Variants in UBA6 observed in about 807,000 individuals in gnomAD.
UBA6 encodes ubiquitin like modifier activating enzyme 6.
A neutral mutation model predicts 148.3 loss-of-function variants in UBA6; 87 were observed. The observed-to-expected ratio is 0.59, with a 90% CI of 0.49 to 0.70. The LOEUF is 0.70. Ranked by LOEUF, UBA6 falls within the 30% of genes least tolerant of loss-of-function variation. The pLI is 0.00. For synonymous variants in UBA6, 376 were observed against 401.0 expected (o/e 0.94, Z 0.75); for missense variants, 1,186 against 1,241.2 (o/e 0.96, Z 0.67).
At chr4:67,648,591 A>C (rs923445769) in intron 14 of UBA6, among the ~76,000 whole-genome samples, 11 of 152,164 alleles carry the variant, frequency 7.2e-5, no homozygotes, top group African/African-American at 2.7e-4. Context: ...TTCTGCTGGC[A>C]AAAGAAATGG....
At chr4:67,636,770 G>C (rs2109907702) in intron 19 of UBA6, among the ~76,000 whole-genome samples, 1 of 152,282 alleles carries the variant, frequency 6.6e-6, no homozygotes, top group African/African-American at 2.4e-5. Flanking sequence ...CGCCTGCCTT[G>C]GCCTCCCAAA....
chr4:67,695,474 CTT>C (rs1421556942), intron 2 of UBA6, among the ~76,000 whole-genome samples: 1 of 152,190 alleles, frequency 6.6e-6, no homozygotes, highest in African/African-American at 2.4e-5. Flanking sequence ...AATGGCTACT[CTT>C]ATCCTTAGGT....
At chr4:67,699,899 C>T (rs1730935157) in intron 1 of UBA6, among the ~76,000 whole-genome samples, 1 of 152,214 alleles carries the variant, frequency 6.6e-6, no homozygotes, top group Admixed American at 6.5e-5. Context: ...AGCCACTGCG[C>T]CCGGCCAAAG....
chr4:67,692,071 G>A (rs1730706825), intron 2 of UBA6, among the ~76,000 whole-genome samples: 1 of 152,104 alleles, frequency 6.6e-6, no homozygotes, highest in Non-Finnish European at 1.5e-5. Context: ...GGTTACTTAA[G>A]TTCTTTAGTG....
At chr4:67,659,233 G>T (rs1729778744) in intron 13 of UBA6, among the ~76,000 whole-genome samples, 1 of 152,140 alleles carries the variant, frequency 6.6e-6, no homozygotes, top group African/African-American at 2.4e-5. Flanking sequence ...TAGAACATAT[G>T]ATATTAAAGC....
At chr4:67,651,319 G>GA (rs1729549020) in intron 13 of UBA6, among the ~76,000 whole-genome samples, 1 of 152,070 alleles carries the variant, frequency 6.6e-6, no homozygotes, top group Non-Finnish European at 1.5e-5. Context: ...GAAAAGAAAA[G>GA]AAATACTTAA....
chr4:67,682,771 A>G (rs1014174375), intron 2 of UBA6, among the ~76,000 whole-genome samples: 3 of 152,228 alleles, frequency 2.0e-5, no homozygotes, highest in Non-Finnish European at 4.4e-5. Context: ...AATAAAGTCA[A>G]TTGTAAGTGT....
intron 9 of UBA6, 75 bp from the exon 10 acceptor site, chr4:67,665,367 A>G: frequency 3.5e-6 from 3 of 865,296 alleles, no homozygotes; most frequent in Non-Finnish European, 5.4e-6. Flanking sequence ...TTGTCATAAG[A>G]GGTTAATTAT....
intron 17 of UBA6, among the ~76,000 whole-genome samples, chr4:67,641,544 G>A (rs888895636): frequency 2.6e-5 from 4 of 152,130 alleles, no homozygotes; most frequent in African/African-American, 9.7e-5. Flanking sequence ...TACCTGCAGA[G>A]GAGCTAGCTC....
chr4:67,656,316 A>G (rs1309188832), intron 13 of UBA6, among the ~76,000 whole-genome samples: 1 of 152,244 alleles, frequency 6.6e-6, no homozygotes, highest in East Asian at 1.9e-4. Flanking sequence ...GCAGCACATC[A>G]AAAAGCTTAT....
intron 13 of UBA6, among the ~76,000 whole-genome samples, chr4:67,655,336 C>A (rs1007319121): frequency 6.6e-6 from 1 of 152,188 alleles, no homozygotes; most frequent in African/African-American, 2.4e-5. Context: ...TCACAACAAA[C>A]TGCTCTCAGA....
At chr4:67,701,016 G>C (rs1473389822) in intron 1 of UBA6, 33 bp downstream of exon 1, 1 of 1,611,648 alleles carries the variant, frequency 6.2e-7, no homozygotes, top group Non-Finnish European at 8.5e-7. Context: ...TCCCACCCGC[G>C]ACCCCTCACC....
At chr4:67,639,180 AT>A (rs1729243690) in intron 18 of UBA6, 56 bp from the exon 19 acceptor site, 6 of 1,333,402 alleles carry the variant, frequency 4.5e-6, no homozygotes, top group Non-Finnish European at 5.2e-6. Context: ...AAGGACTATG[AT>A]TTTTCTATAT....
At chr4:67,685,219 T>A (rs749054564) in intron 2 of UBA6, among the ~76,000 whole-genome samples, 3 of 152,204 alleles carry the variant, frequency 2.0e-5, no homozygotes, top group Non-Finnish European at 4.4e-5. Context: ...AACACGTGTA[T>A]ACTTTTATTT....
intron 1 of UBA6, among the ~76,000 whole-genome samples, chr4:67,697,451 A>T (rs1358870567): frequency 6.6e-6 from 1 of 152,214 alleles, no homozygotes; most frequent in Non-Finnish European, 1.5e-5. Context: ...TCCACGTGTG[A>T]TCTTTCCTCT....
chr4:67,678,443 TTC>T lies in UBA6; in HGVS notation c.347_348del (p.Arg116LysfsTer4). 1 of 1,576,492 alleles carries T rather than the reference TTC, an allele frequency of 6.3e-7. No individual in the cohort carries two copies. Among genetic ancestry groups the T allele is most frequent in the Non-Finnish European group, 8.6e-7 (1 of 1,159,022 alleles). On this transcript the variant is annotated frameshift_variant, in exon 5 of 33. Transcript: ENST00000322244. LOFTEE classifies it high-confidence loss of function. ...FLSEDDVVNK[R>X]NRAEAVLKHI... ...AATACATCAAAATATCTTTACCTGT[TTC>T]TCTTATTAACAACATCATCTTCACT...
intron 32 of UBA6, among the ~76,000 whole-genome samples, chr4:67,619,625 T>TA (rs1728707788): frequency 6.6e-6 from 1 of 152,158 alleles, no homozygotes; most frequent in Non-Finnish European, 1.5e-5. Flanking sequence ...GCAACGATTT[T>TA]AAAAAATTGA....
rs573915481 is a variant in UBA6, at chr4:67,647,314, T to C, written c.1249-523A>G. Among the ~76,000 whole-genome samples, 43 of 152,258 alleles carry C rather than the reference T, an allele frequency of 2.8e-4. No individual in the cohort carries two copies. The South Asian group carries it at 8.7e-3, about 31-fold the overall frequency. ...GCGTGCCACCATGCCTGGCTAATTT[T>C]TTTGTATTTTTAGTAGACATGGGGT... On this transcript the variant is annotated intron_variant, in intron 14 of 32. Transcript: ENST00000322244.
chr4:67,648,206 C>A (rs1172124461), intron 14 of UBA6, among the ~76,000 whole-genome samples: 1 of 151,664 alleles, frequency 6.6e-6, no homozygotes, highest in South Asian at 2.1e-4. Context: ...CAGTGGCTCA[C>A]GCCTGTAATC....
Sources: allele counts gnomAD v4.1 joint callset (sites outside exome capture counted in the v4.1 genomes callset), GRCh38; gene constraint gnomAD v4.1.1; transcripts MANE v1.5; gene names NCBI Gene and HGNC (gene_info 2026-07-23, HGNC 2026-07-21).